The following RNF38 variants were observed in gnomAD, a reference collection of about 807,000 sequenced individuals.
RNF38 encodes the protein ring finger protein 38.
Under a neutral mutation model 67.2 loss-of-function variants are expected in RNF38, and 15 were observed. The ratio of observed to expected loss-of-function variants is 0.22; its 90% CI spans 0.15 to 0.34. RNF38 has a LOEUF of 0.34. Ranked by LOEUF, RNF38 falls within the 10% of genes least tolerant of loss-of-function variation. RNF38 has a pLI of 1.00. For missense variants in RNF38, 524 were observed against 639.9 expected (o/e 0.82, Z 1.95); for synonymous variants, 220 against 218.8 (o/e 1.01, Z -0.05).
intron 1 of RNF38, among the ~76,000 whole-genome samples, chr9:36,477,648 C>G (rs1171257000): frequency 2.0e-5 from 3 of 151,552 alleles, no homozygotes; most frequent in Non-Finnish European, 4.4e-5. Flanking sequence ...GGTGAAACCC[C>G]CATCCCTACT....
chr9:36,419,071 C>A (rs774374859), intron 2 of RNF38, among the ~76,000 whole-genome samples: 8 of 152,134 alleles, frequency 5.3e-5, no homozygotes, highest in Non-Finnish European at 1.0e-4. Context: ...AATCCAAAAT[C>A]TGAAATGCTA....
Position 36,400,162 on chromosome 9 carries a change from T to G in RNF38, c.-54A>C, listed in dbSNP as rs921717726. On this transcript the variant is annotated 5_prime_UTR_variant, in exon 1 of 12. Coordinates refer to ENST00000259605, the MANE Select transcript of RNF38 (RefSeq NM_022781.5). ...TTTGGACCTCAATAACCTGAAACAC[T>G]CCCGTTTCAAAAACCAACCTCTCTC... 6.2e-7 allele frequency: 1 copy of G among 1,601,654 alleles called. No homozygotes were observed.
intron 1 of RNF38, among the ~76,000 whole-genome samples, chr9:36,395,770 T>C (rs892982677): frequency 1.3e-5 from 2 of 152,174 alleles, no homozygotes; most frequent in Non-Finnish European, 2.9e-5. Flanking sequence ...AGCACAATAA[T>C]AGCGACAATT....
At chr9:36,420,317 G>T (rs913886277) in intron 2 of RNF38, among the ~76,000 whole-genome samples, 2 of 151,980 alleles carry the variant, frequency 1.3e-5, no homozygotes, top group Non-Finnish European at 2.9e-5. Context: ...TGGGTCACGA[G>T]GTCAGGAGAT....
chr9:36,369,641 C>T (rs1364704979), intron 4 of RNF38, 78 bp downstream of exon 4: 1 of 1,199,832 alleles, frequency 8.3e-7, no homozygotes, highest in East Asian at 2.5e-5. Flanking sequence ...AAATTTGCAA[C>T]AAAAAGCCAA....
At chr9:36,395,338 T>C (rs1464791586) in intron 1 of RNF38, among the ~76,000 whole-genome samples, 1 of 152,178 alleles carries the variant, frequency 6.6e-6, no homozygotes, top group African/African-American at 2.4e-5. Flanking sequence ...TTTTTTTTTT[T>C]TCTCCAGTAA....
chr9:36,344,562 T>A (rs1019830308), intron 10 of RNF38, among the ~76,000 whole-genome samples: 2 of 152,198 alleles, frequency 1.3e-5, no homozygotes, highest in Non-Finnish European at 2.9e-5. Flanking sequence ...ATGTTCTACA[T>A]CCATACCACC....
At chr9:36,415,766 G>A (rs79535594) in intron 2 of RNF38, among the ~76,000 whole-genome samples, 1,959 of 152,254 alleles carry the variant, frequency 0.013, 47 homozygotes, top group African/African-American at 0.045. Flanking sequence ...TTTGTTTAGT[G>A]CACTGGTTTT....
chr9:36,456,092 CAG>C (rs970009534), intron 1 of RNF38, among the ~76,000 whole-genome samples: 5 of 151,860 alleles, frequency 3.3e-5, no homozygotes, highest in Non-Finnish European at 5.9e-5. Flanking sequence ...TTTTTTGAGA[CAG>C]AGTCTCGTCT....
chr9:36,400,026 G>A lies in RNF38; in HGVS notation c.12+71C>T, dbSNP rs114247882. On this transcript the variant is annotated intron_variant, in intron 1 of 11. Coordinates refer to ENST00000259605, the MANE Select transcript of RNF38 (RefSeq NM_022781.5). ...CATGTGTGTGTTTCTACTTACGGTA[G>A]AATTAGCATACCCAACTTTTACTGA... 1.1e-3 allele frequency: 1,515 copies of A among 1,380,170 alleles called. 21 individuals carry two copies. The African/African-American group carries it at 0.02, about 18-fold the overall frequency. 85.5% of individuals were successfully genotyped at this position (1,380,170 alleles called of 1,614,324 possible).
chr9:36,457,816 C>A (rs1052403459), intron 1 of RNF38, among the ~76,000 whole-genome samples: 1 of 151,608 alleles, frequency 6.6e-6, no homozygotes, highest in Non-Finnish European at 1.5e-5. Flanking sequence ...GCACTCCAGC[C>A]TGGGTGACAG....
chr9:36,431,985 G>A (rs1838943042), intron 1 of RNF38, among the ~76,000 whole-genome samples: 1 of 152,090 alleles, frequency 6.6e-6, no homozygotes. Context: ...AGGGTTTTAG[G>A]ACCTCTGTGC....
intron 4 of RNF38, among the ~76,000 whole-genome samples, chr9:36,361,925 A>G (rs1834567270): frequency 6.6e-6 from 1 of 152,224 alleles, no homozygotes; most frequent in African/African-American, 2.4e-5. Flanking sequence ...ACTGCAAGAC[A>G]TATGATGCAC....
chr9:36,350,306 C>G (rs1833603059), intron 9 of RNF38, among the ~76,000 whole-genome samples: 1 of 152,200 alleles, frequency 6.6e-6, no homozygotes. Flanking sequence ...CATTTTCTAA[C>G]CACTCCCATC....
At chr9:36,464,301 G>A (rs1490336388) in intron 1 of RNF38, among the ~76,000 whole-genome samples, 1 of 151,956 alleles carries the variant, frequency 6.6e-6, no homozygotes, top group Non-Finnish European at 1.5e-5. Flanking sequence ...GGGCGCAGTG[G>A]CTCACGCCTG....
intron 1 of RNF38, among the ~76,000 whole-genome samples, chr9:36,474,074 G>A (rs980768151): frequency 7.9e-5 from 12 of 151,682 alleles, no homozygotes; most frequent in Admixed American, 6.6e-4. Flanking sequence ...AGCACTTTGG[G>A]AGGCCAAGGC....
chr9:36,368,298 C>T lies in RNF38; in HGVS notation c.570+1421G>A, dbSNP rs557147298. Reference sequence around the variant, plus strand: ...GTTTTCATATTCCAATATACAGACTCAACACGTAACACTACTACATAAATG... The same window carrying T: ...GTTTTCATATTCCAATATACAGACTTAACACGTAACACTACTACATAAATG... On this transcript the variant is annotated intron_variant, in intron 4 of 11. Transcript: ENST00000259605. 2.6e-4 allele frequency among the ~76,000 whole-genome samples: 40 copies of T among 152,262 alleles called. 1 individual carries two copies. The South Asian group carries it at 7.7e-3, about 29-fold the overall frequency.
chr9:36,364,122 G>T (rs1010455080), intron 4 of RNF38, among the ~76,000 whole-genome samples: 2 of 150,966 alleles, frequency 1.3e-5, no homozygotes, highest in African/African-American at 2.4e-5. Flanking sequence ...GAGCCACCGT[G>T]CCCTGCCCAC....
chr9:36,416,599 G>T (rs1185535261), intron 2 of RNF38, among the ~76,000 whole-genome samples: 1 of 152,084 alleles, frequency 6.6e-6, no homozygotes, highest in African/African-American at 2.4e-5. Flanking sequence ...TACAAAGTTA[G>T]GCTGTAAGTT....
Sources: gnomAD v4.1 joint callset for allele counts (sites outside exome capture counted in the v4.1 genomes callset) on GRCh38, gnomAD v4.1.1 for gene constraint, MANE v1.5 for transcripts, NCBI Gene and HGNC (gene_info 2026-07-23, HGNC 2026-07-21) for gene names.